Variants in ASCC1 observed in about 807,000 individuals in gnomAD.
ASCC1 encodes the protein activating signal cointegrator 1 complex subunit 1, also known as ASC-1 complex subunit P50.
A neutral mutation model predicts 46.6 loss-of-function variants in ASCC1; 35 were observed. The observed-to-expected ratio is 0.75, with a 90% CI of 0.57 to 0.99. ASCC1 has a LOEUF of 0.99. Ranked by LOEUF, ASCC1 falls within the 50% of genes least tolerant of loss-of-function variation. ASCC1 has a pLI of 0.00. For missense variants in ASCC1, 376 were observed against 428.7 expected, an observed-to-expected ratio of 0.88 and a Z score of 1.09; for synonymous variants, 143 against 146.6, an observed-to-expected ratio of 0.98 and a Z score of 0.18.
intron 5 of ASCC1, among the ~76,000 whole-genome samples, chr10:72,195,452 G>T (rs1336671296): frequency 6.6e-6 from 1 of 151,886 alleles, no homozygotes; most frequent in Non-Finnish European, 1.5e-5. Context: ...TGCCAGCCAA[G>T]ATTTAGGTCT....
Position 72,203,436 on chromosome 10 carries a change from C to T in ASCC1, c.301G>A (p.Gly101Arg), listed in dbSNP as rs1191393579. 7 of 1,612,148 alleles carry T rather than the reference C, an allele frequency of 4.3e-6. No individual in the cohort carries two copies. Among genetic ancestry groups the T allele is most frequent in the Admixed American group, 3.3e-5 (2 of 60,010 alleles). The change falls in exon 4 of 10, where the codon GGG (glycine) becomes AGG (arginine). Residue 101 changes from glycine to arginine, a missense_variant. Coordinates refer to ENST00000672957, the MANE Select transcript of ASCC1 (RefSeq NM_001198800.3). ...ATCTACTGAGTCTCACCAATTTCCC[C>T]GTCTTGTCCAGGTTTAGGAATGCTA... ...SISIPKPGQD[G>R]EIVITGQHRN...
intron 6 of ASCC1, among the ~76,000 whole-genome samples, chr10:72,156,983 T>C (rs538848504): frequency 2.6e-5 from 4 of 152,256 alleles, no homozygotes; most frequent in African/African-American, 9.6e-5. Context: ...AACTCAACTA[T>C]TTTAGGCGGA....
chr10:72,190,224 C>T (rs1250850456), intron 5 of ASCC1: 5 of 766,450 alleles, frequency 6.5e-6, no homozygotes, highest in Non-Finnish European at 1.2e-5. Flanking sequence ...CTAAAGTTTG[C>T]CTGAAGCCTT....
chr10:72,179,872 G>A (rs1852344519), intron 5 of ASCC1, among the ~76,000 whole-genome samples: 1 of 152,088 alleles, frequency 6.6e-6, no homozygotes, highest in South Asian at 2.1e-4. Flanking sequence ...TGCATGAACA[G>A]CAGCTTTATT....
intron 5 of ASCC1, among the ~76,000 whole-genome samples, 162 bp downstream of exon 5, chr10:72,196,649 T>TAC (rs1449759494): frequency 1.3e-5 from 2 of 152,220 alleles, no homozygotes; most frequent in African/African-American, 4.8e-5. Flanking sequence ...GATATGTCCA[T>TAC]ACACTTTTTT....
At chr10:72,175,340 C>T (rs1233466700) in intron 5 of ASCC1, among the ~76,000 whole-genome samples, 1 of 152,214 alleles carries the variant, frequency 6.6e-6, no homozygotes, top group East Asian at 1.9e-4. Context: ...TTCCTTTTTA[C>T]ATGACTGTGC....
intron 3 of ASCC1, chr10:72,204,480 C>G (rs7922614): frequency 6.5e-7 from 1 of 1,550,330 alleles, no homozygotes; most frequent in African/African-American, 1.4e-5. Flanking sequence ...AACCCACAGT[C>G]GTTTGATGTG....
At chr10:72,160,706 A>C (rs1849547876) in intron 6 of ASCC1, among the ~76,000 whole-genome samples, 1 of 151,292 alleles carries the variant, frequency 6.6e-6, no homozygotes, top group South Asian at 2.1e-4. Context: ...CCCTAAAAAA[A>C]ATAAAAATAA....
intron 9 of ASCC1, among the ~76,000 whole-genome samples, chr10:72,112,721 A>G (rs1463836251): frequency 1.3e-5 from 2 of 151,922 alleles, no homozygotes; most frequent in African/African-American, 4.8e-5. Context: ...TCTACTAAAA[A>G]TACAAAAATT....
chr10:72,153,352 T>C (rs1380472336), intron 6 of ASCC1, among the ~76,000 whole-genome samples: 6 of 152,238 alleles, frequency 3.9e-5, no homozygotes, highest in Admixed American at 3.9e-4. Flanking sequence ...TTCTACAAGT[T>C]ACAAACAGCA....
chr10:72,107,962 T>C (rs1842523356), intron 9 of ASCC1, among the ~76,000 whole-genome samples: 1 of 152,168 alleles, frequency 6.6e-6, no homozygotes, highest in Admixed American at 6.5e-5. Context: ...CCCTTTTAAC[T>C]GTTGATCTTC....
Position 72,097,082 on chromosome 10 carries a change from T to C in ASCC1, c.*252A>G. 1 of 524,052 alleles carries C rather than the reference T, an allele frequency of 1.9e-6. No homozygotes were observed. The highest frequency in any genetic ancestry group is 3.7e-6 in the Non-Finnish European group (1 of 272,590). 32.5% of individuals were successfully genotyped at this position (524,052 alleles called of 1,614,324 possible). ...ATGTTTTATGAGTATTTTACGACAA[T>C]TTAAAAATTAAAAGAAAAAAAACCA... On this transcript the variant is annotated 3_prime_UTR_variant, in exon 10 of 10. Transcript: ENST00000672957.
chr10:72,167,176 T>C (rs1850453356), intron 5 of ASCC1, among the ~76,000 whole-genome samples: 1 of 152,168 alleles, frequency 6.6e-6, no homozygotes, highest in African/African-American at 2.4e-5. Flanking sequence ...CAGTATTATT[T>C]ATAATAGCCA....
chr10:72,194,452 T>C (rs1444514003), intron 5 of ASCC1, among the ~76,000 whole-genome samples: 6 of 151,252 alleles, frequency 4.0e-5, no homozygotes, highest in African/African-American at 7.3e-5. Flanking sequence ...GTTTGGAGCA[T>C]AAAGTGCTAT....
intron 5 of ASCC1, among the ~76,000 whole-genome samples, chr10:72,172,499 CTTTTT>C (rs956432607): frequency 6.9e-6 from 1 of 144,020 alleles, no homozygotes; most frequent in Non-Finnish European, 1.5e-5. Context: ...AGATGTTGGG[CTTTTT>C]TTTCTTTTTT....
intron 5 of ASCC1, among the ~76,000 whole-genome samples, chr10:72,181,216 A>G (rs964542445): frequency 1.6e-4 from 25 of 152,238 alleles, no homozygotes; most frequent in African/African-American, 5.8e-4. Flanking sequence ...CACCTGCCTC[A>G]GCCTCCCAAA....
chr10:72,197,043 A>G, intron 4 of ASCC1, 54 bp from the exon 5 acceptor site: 1 of 1,579,884 alleles, frequency 6.3e-7, no homozygotes, highest in Non-Finnish European at 8.7e-7. Context: ...ATGCTTATAA[A>G]ACAGGACCTC....
At chr10:72,140,528 C>T (rs764212958) in intron 7 of ASCC1, among the ~76,000 whole-genome samples, 50 of 152,244 alleles carry the variant, frequency 3.3e-4, no homozygotes, top group Middle Eastern at 3.4e-3. Flanking sequence ...TATCTATATT[C>T]ACTAACATAA....
intron 5 of ASCC1, among the ~76,000 whole-genome samples, chr10:72,184,789 CAA>C (rs748889579): frequency 1.5e-4 from 15 of 99,192 alleles, no homozygotes; most frequent in Admixed American, 4.6e-4. Context: ...GACTCTATCT[CAA>C]AAAAAAAAAA....
Sources: gnomAD v4.1 joint callset for allele counts (sites outside exome capture counted in the v4.1 genomes callset) on GRCh38, gnomAD v4.1.1 for gene constraint, MANE v1.5 for transcripts, NCBI Gene and HGNC (gene_info 2026-07-23, HGNC 2026-07-21) for gene names.